The following SUSD4 variants were observed in gnomAD, a reference collection of about 807,000 sequenced individuals.
SUSD4 encodes sushi domain-containing protein 4.
In SUSD4, 41 loss-of-function variants were observed where a neutral mutation model predicts 50.5. That is an observed-to-expected ratio of 0.81 (90% CI 0.63 to 1.05). The LOEUF (loss-of-function observed/expected upper bound fraction) is 1.05. SUSD4 is among the 50% of genes least tolerant of loss of function. The pLI is 0.00. For synonymous variants in SUSD4, 257 were observed against 257.3 expected (o/e 1.00, Z 0.01); for missense variants, 580 against 634.7 (o/e 0.91, Z 0.93).
In SUSD4 at chr1:223,223,477, C is replaced by G; in HGVS notation, c.1216G>C (p.Val406Leu). The G allele has an allele frequency of 6.2e-7, 1 of 1,613,686 alleles. No homozygotes were observed. The highest frequency in any genetic ancestry group is 8.5e-7 in the Non-Finnish European group (1 of 1,179,864). ...ASVGQGCPLP[V>L]DDQSPPAYPG... is the part of the protein sequence containing the mutation. Reference sequence around the variant, plus strand: ...TATGCTGGGGGGCTCTGGTCGTCCACGGGTAAGGGGCAGCCCTGGCCCACA... The same window carrying G: ...TATGCTGGGGGGCTCTGGTCGTCCAGGGGTAAGGGGCAGCCCTGGCCCACA... Residue 406 changes from valine to leucine, a missense_variant, in exon 8 of 9, where the codon GTG (valine) becomes CTG (leucine). Physicochemically the swap from Val to Leu is conservative, Grantham distance 32. Transcript: ENST00000366878.
intron 2 of SUSD4, among the ~76,000 whole-genome samples, chr1:223,316,388 G>A (rs933004371): frequency 2.0e-5 from 3 of 152,032 alleles, no homozygotes; most frequent in Admixed American, 6.6e-5. Flanking sequence ...CAGGGTTATC[G>A]CTAGGAATGG....
intron 3 of SUSD4, among the ~76,000 whole-genome samples, chr1:223,286,881 T>C (rs1664178394): frequency 6.6e-6 from 1 of 152,166 alleles, no homozygotes; most frequent in Admixed American, 6.5e-5. Context: ...GTTCTTTGTG[T>C]TGTTAGGTGA....
intron 5 of SUSD4, among the ~76,000 whole-genome samples, chr1:223,240,034 G>A (rs1017069939): frequency 2.6e-5 from 4 of 152,112 alleles, no homozygotes; most frequent in South Asian, 2.1e-4. Flanking sequence ...GCTTCTGAAC[G>A]TTAATTTTTG....
At position 223,353,019 on chromosome 1, in the gene SUSD4, C is replaced by A. The variant is rs187469355; in HGVS notation, c.148+10259G>T. On this transcript the variant is annotated intron_variant, in intron 2 of 8. Transcript: ENST00000366878. The stretch of plus-strand genomic sequence containing the variant: ...CTCGCCTGCTTCACATGTTTAATCT[C>A]TTTTTCCTGAGGCTTCTGTGAGCAC... 1.3e-3 allele frequency among the ~76,000 whole-genome samples: 204 copies of A among 152,270 alleles called. 2 individuals are homozygous for A. The highest frequency in any genetic ancestry group is 2.6e-4 in the Non-Finnish European group (18 of 68,028).
intron 2 of SUSD4, among the ~76,000 whole-genome samples, chr1:223,296,973 G>A (rs930300624): frequency 1.3e-5 from 2 of 152,134 alleles, no homozygotes; most frequent in Non-Finnish European, 2.9e-5. Flanking sequence ...TGTGAGAACA[G>A]ACTAATATAA....
chr1:223,319,024 G>C (rs1236878978), intron 2 of SUSD4, among the ~76,000 whole-genome samples: 2 of 48,036 alleles, frequency 4.2e-5, no homozygotes, highest in Admixed American at 5.3e-4. Context: ...TCTGATCTTT[G>C]ACAAACCTGA....
At chr1:223,257,458 A>G (rs1661779077) in intron 5 of SUSD4, among the ~76,000 whole-genome samples, 1 of 152,146 alleles carries the variant, frequency 6.6e-6, no homozygotes, top group Non-Finnish European at 1.5e-5. Context: ...CCCAGGGTGG[A>G]TGCTGGACCT....
chr1:223,321,294 G>A (rs184253877), intron 2 of SUSD4, among the ~76,000 whole-genome samples: 11 of 152,316 alleles, frequency 7.2e-5, no homozygotes, highest in Admixed American at 4.6e-4. Flanking sequence ...ACCTGCATGC[G>A]ATCCTGACTC....
At chr1:223,298,319 G>A (rs1004730964) in intron 2 of SUSD4, among the ~76,000 whole-genome samples, 2 of 152,156 alleles carry the variant, frequency 1.3e-5, no homozygotes, top group African/African-American at 4.8e-5. Flanking sequence ...CAAGGGAGAT[G>A]TGAAATGCCC....
intron 5 of SUSD4, chr1:223,235,165 C>A: frequency 7.0e-7 from 1 of 1,434,556 alleles, no homozygotes. Context: ...AAAAAAAAAA[C>A]CTAAAGCCCT....
chr1:223,347,309 A>G (rs887210734), intron 2 of SUSD4, among the ~76,000 whole-genome samples: 10 of 152,138 alleles, frequency 6.6e-5, no homozygotes, highest in African/African-American at 2.2e-4. Context: ...ATTCTTTCCA[A>G]TAGTACATTT....
At chr1:223,236,223 T>C (rs1208333943) in intron 5 of SUSD4, among the ~76,000 whole-genome samples, 1 of 152,234 alleles carries the variant, frequency 6.6e-6, no homozygotes, top group Non-Finnish European at 1.5e-5. Flanking sequence ...AGACTTTTAA[T>C]AGTTCTTTGA....
At chr1:223,315,343 T>C (rs899443158) in intron 2 of SUSD4, among the ~76,000 whole-genome samples, 3 of 152,236 alleles carry the variant, frequency 2.0e-5, no homozygotes, top group African/African-American at 7.2e-5. Flanking sequence ...AGATACCTTC[T>C]CTAATTACTC....
At chr1:223,307,434 A>C (rs1665607015) in intron 2 of SUSD4, among the ~76,000 whole-genome samples, 1 of 152,222 alleles carries the variant, frequency 6.6e-6, no homozygotes, top group South Asian at 2.1e-4. Flanking sequence ...TGATAGGATT[A>C]GTTCTCACAG....
At chr1:223,317,851 C>CTTTTTTT (rs1172641015) in intron 2 of SUSD4, among the ~76,000 whole-genome samples, 57 of 100,726 alleles carry the variant, frequency 5.7e-4, no homozygotes, top group East Asian at 1.5e-3. Flanking sequence ...TTTTTTTTTT[C>CTTTTTTT]TTTTTTTTTT....
At chr1:223,235,005 G>C (rs1402383944) in intron 5 of SUSD4, 4 of 1,610,528 alleles carry the variant, frequency 2.5e-6, no homozygotes, top group Non-Finnish European at 3.4e-6. Flanking sequence ...GCTGGGGTGG[G>C]AGAGGACTTT....
At chr1:223,291,042 A>G (rs1001544308) in intron 3 of SUSD4, among the ~76,000 whole-genome samples, 1 of 152,146 alleles carries the variant, frequency 6.6e-6, no homozygotes, top group Admixed American at 6.6e-5. Flanking sequence ...GAAAAAATGA[A>G]CTTATTTTTA....
chr1:223,227,514 C>T lies in SUSD4; in HGVS notation c.1061+80G>A. On this transcript the variant is annotated intron_variant, in intron 7 of 8. Coordinates refer to ENST00000366878, the MANE Select transcript of SUSD4 (RefSeq NM_017982.4). The surrounding 1 kb of genome is among the most constrained non-coding windows in gnomAD (Gnocchi z 4.5). The stretch of plus-strand genomic sequence containing the variant: ...CCCTTTAGAGCTTCAACTTTTCACT[C>T]ATCACTTTCTCCCTCTGCTGCTAAG... 1 of 1,538,764 alleles carries T rather than the reference C, an allele frequency of 6.5e-7. No homozygotes were observed. The highest frequency in any genetic ancestry group is 8.8e-7 in the Non-Finnish European group (1 of 1,132,298).
chr1:223,268,698 C>G, intron 3 of SUSD4, 23 bp from the exon 4 acceptor site: 1 of 1,598,174 alleles, frequency 6.3e-7, no homozygotes, highest in Non-Finnish European at 8.5e-7. Context: ...AAAAGGTACA[C>G]ATTATTTTTG....
Sources: allele counts gnomAD v4.1 joint callset (sites outside exome capture counted in the v4.1 genomes callset), GRCh38; gene constraint gnomAD v4.1.1; non-coding constraint Gnocchi (gnomAD v3.1); transcripts MANE v1.5; gene names NCBI Gene and HGNC (gene_info 2026-07-23, HGNC 2026-07-21).